The following AGMO variants were observed in gnomAD, a reference collection of about 807,000 sequenced individuals.
AGMO encodes the protein glyceryl-ether monooxygenase.
AGMO carries 75 observed loss-of-function variants against 60.2 expected under a neutral mutation model. That is an observed-to-expected ratio of 1.25 (90% confidence interval 1.03 to 1.51). The LOEUF (loss-of-function observed/expected upper bound fraction) is 1.51, where lower values mean the gene tolerates loss of function less well. AGMO is among the 40% of genes most tolerant of loss of function. The pLI, the probability that AGMO is intolerant of heterozygous loss-of-function variation, is 0.00. For missense variants in AGMO, 763 were observed against 525.5 expected (o/e 1.45, Z -4.42); for synonymous variants, 261 against 177.1 (o/e 1.47, Z -3.76).
chr7:15,253,129 A>G (rs1312099163), intron 12 of AGMO, among the ~76,000 whole-genome samples: 1 of 152,180 alleles, frequency 6.6e-6, no homozygotes, highest in Admixed American at 6.5e-5. Flanking sequence ...TTTGAGATGA[A>G]AGAAATAACG....
rs563176601 is a variant in AGMO at position 15,540,845 on chromosome 7, A to C, written c.409+3927T>G. Among the ~76,000 whole-genome samples, 5 of 152,292 alleles carry C rather than the reference A, an allele frequency of 3.3e-5. No homozygotes were observed. In the South Asian group the frequency reaches 1.0e-3, roughly 32 times the overall value. Reference sequence around the variant, plus strand: ...TATTTATGAATTTAACTTTCTATAAAAGTATATATATAGAAAATGTATAAA... The same window carrying C: ...TATTTATGAATTTAACTTTCTATAACAGTATATATATAGAAAATGTATAAA... On this transcript the variant is annotated intron_variant, in intron 3 of 12. Coordinates refer to ENST00000342526, the MANE Select transcript of AGMO (RefSeq NM_001004320.2).
At chr7:15,167,088 T>A in the AGMO span, among the ~76,000 whole-genome samples, 2 of 152,128 alleles carry the variant, frequency 1.3e-5, no homozygotes, top group Admixed American at 6.5e-5. Flanking sequence ...CTAAAAAAAA[T>A]CTTAGATTCT....
chr7:15,192,388 G>C, the AGMO span, among the ~76,000 whole-genome samples: 6,184 of 152,042 alleles, frequency 0.041, 398 homozygotes, highest in African/African-American at 0.14. Context: ...ACTGAGAGGA[G>C]TTCGGCTGGG....
the AGMO span, among the ~76,000 whole-genome samples, chr7:15,130,505 A>G: frequency 7.9e-5 from 12 of 152,108 alleles, no homozygotes; most frequent in African/African-American, 2.9e-4. Flanking sequence ...TGTTTAAAAC[A>G]TTGTTCTATT....
At chr7:15,201,489 A>G in intron 12 of AGMO, 130 bp from the exon 13 acceptor site, 1 of 626,324 alleles carries the variant, frequency 1.6e-6, no homozygotes, top group Non-Finnish European at 2.7e-6. Context: ...ATTAAATTAA[A>G]TCTAGCAATT....
At chr7:15,509,379 A>AT (rs971519747) in intron 3 of AGMO, among the ~76,000 whole-genome samples, 94 of 151,660 alleles carry the variant, frequency 6.2e-4, no homozygotes, top group African/African-American at 2.1e-3. Flanking sequence ...TGCAAAAAAA[A>AT]AAATAAAAAT....
At chr7:15,188,510 A>G in the AGMO span, among the ~76,000 whole-genome samples, 2 of 152,170 alleles carry the variant, frequency 1.3e-5, no homozygotes, top group South Asian at 4.1e-4. Context: ...TCTGTAGTTA[A>G]AGAGAGATTT....
At chr7:15,213,553 T>C (rs751670511) in intron 12 of AGMO, among the ~76,000 whole-genome samples, 1 of 151,854 alleles carries the variant, frequency 6.6e-6, no homozygotes, top group Non-Finnish European at 1.5e-5. Context: ...AATAATGTAA[T>C]TGAACAGTAA....
chr7:15,169,551 C>T, the AGMO span, among the ~76,000 whole-genome samples: 4 of 152,078 alleles, frequency 2.6e-5, no homozygotes, highest in Admixed American at 6.6e-5. Context: ...ATTCTCCTGC[C>T]TCAGCCTCCT....
chr7:15,471,639 T>C (rs1486697298), intron 3 of AGMO, among the ~76,000 whole-genome samples: 1 of 151,902 alleles, frequency 6.6e-6, no homozygotes, highest in Non-Finnish European at 1.5e-5. Context: ...AATGAGGTGA[T>C]GGATGAGGAA....
chr7:15,552,142 T>G (rs1784980224), intron 2 of AGMO, among the ~76,000 whole-genome samples: 1 of 152,130 alleles, frequency 6.6e-6, no homozygotes, highest in African/African-American at 2.4e-5. Context: ...ACTGGATCCC[T>G]TCCTTACACC....
intron 4 of AGMO, among the ~76,000 whole-genome samples, chr7:15,423,537 AC>A (rs1180220549): frequency 2.4e-4 from 36 of 152,192 alleles, no homozygotes; most frequent in African/African-American, 8.7e-4. Flanking sequence ...ATTTTCATTA[AC>A]ATGGTGTGGG....
chr7:15,160,900 G>C, the AGMO span, among the ~76,000 whole-genome samples: 1 of 152,140 alleles, frequency 6.6e-6, no homozygotes, highest in South Asian at 2.1e-4. Context: ...CACAGTTCTG[G>C]AGGAGGGAAG....
chr7:15,132,741 C>T, the AGMO span, among the ~76,000 whole-genome samples: 1 of 152,248 alleles, frequency 6.6e-6, no homozygotes, highest in East Asian at 1.9e-4. Flanking sequence ...AGACTGTACT[C>T]AGATTTTAAG....
At position 15,214,509 on chromosome 7, in the gene AGMO, T is replaced by A. The variant is rs140334664; in HGVS notation, c.1264-13150A>T. Among the ~76,000 whole-genome samples, 62 of 152,008 alleles carry A rather than the reference T, an allele frequency of 4.1e-4. No homozygotes were observed. In the East Asian group the frequency reaches 0.011, roughly 26 times the overall value. On this transcript the variant is annotated intron_variant, in intron 12 of 12. Coordinates refer to ENST00000342526, the MANE Select transcript of AGMO (RefSeq NM_001004320.2). The stretch of plus-strand genomic sequence containing the variant: ...GCTTTATGACAATTTTCTCACACCC[T>A]CAAATTTGAGAACCATTGTGCAAGG...
At chr7:15,246,283 A>G (rs1782739167) in intron 12 of AGMO, among the ~76,000 whole-genome samples, 1 of 152,040 alleles carries the variant, frequency 6.6e-6, no homozygotes, top group Admixed American at 6.5e-5. Context: ...GGTACTCAAA[A>G]GACATTTGTT....
intron 3 of AGMO, among the ~76,000 whole-genome samples, chr7:15,480,803 T>C (rs1462446316): frequency 6.6e-6 from 1 of 151,996 alleles, no homozygotes; most frequent in African/African-American, 2.4e-5. Flanking sequence ...GTGACAATGA[T>C]TGGTTGAAGG....
At chr7:15,118,865 C>T in the AGMO span, among the ~76,000 whole-genome samples, 2 of 144,824 alleles carry the variant, frequency 1.4e-5, no homozygotes, top group Non-Finnish European at 3.0e-5. Flanking sequence ...GGATAATTCC[C>T]AGACGTCAGT....
chr7:15,207,776 T>C (rs1259976358), intron 12 of AGMO, among the ~76,000 whole-genome samples: 1 of 151,824 alleles, frequency 6.6e-6, no homozygotes. Flanking sequence ...CTGCTAAAAA[T>C]ACAAAAAATT....
Sources: allele counts gnomAD v4.1 joint callset (sites outside exome capture counted in the v4.1 genomes callset), GRCh38; gene constraint gnomAD v4.1.1; transcripts MANE v1.5; gene names NCBI Gene and HGNC (gene_info 2026-07-23, HGNC 2026-07-21).